The following SORL1 variants were observed in gnomAD, a reference collection of about 807,000 sequenced individuals.
The protein encoded by SORL1 is sortilin-related receptor.
Under a neutral mutation model 273.7 loss-of-function variants are expected in SORL1, and 127 were observed. The observed-to-expected ratio is 0.46, with a 90% CI of 0.40 to 0.54. The LOEUF (loss-of-function observed/expected upper bound fraction) is 0.54, where lower values mean the gene tolerates loss of function less well. SORL1 is among the 20% of genes least tolerant of loss of function. SORL1 has a pLI of 0.00. For missense variants in SORL1, 2,494 were observed against 2,846.1 expected (o/e 0.88, Z 2.81); for synonymous variants, 1,031 against 1,067.4 (o/e 0.97, Z 0.66).
intron 38 of SORL1, 143 bp from the exon 39 acceptor site, chr11:121,610,933 A>G (rs1223243246): frequency 3.3e-6 from 2 of 601,668 alleles, no homozygotes; most frequent in African/African-American, 1.9e-5. Flanking sequence ...GTAAAAAAAG[A>G]TCGATGAGGA....
At chr11:121,526,426 TC>T (rs1421972054) in intron 11 of SORL1, among the ~76,000 whole-genome samples, 2 of 152,196 alleles carry the variant, frequency 1.3e-5, no homozygotes, top group Non-Finnish European at 2.9e-5. Flanking sequence ...ATTTTAAAAA[TC>T]TTTTTTTATT....
At chr11:121,513,473 T>C (rs976578339) in intron 7 of SORL1, among the ~76,000 whole-genome samples, 1 of 152,182 alleles carries the variant, frequency 6.6e-6, no homozygotes, top group African/African-American at 2.4e-5. Flanking sequence ...CAGCAGAGGA[T>C]AGGATTTGGG....
At chr11:121,470,561 T>C (rs1228164524) in intron 2 of SORL1, among the ~76,000 whole-genome samples, 2 of 152,354 alleles carry the variant, frequency 1.3e-5, no homozygotes, top group East Asian at 3.9e-4. Context: ...TTGTGATCTT[T>C]AGTAGGTGAG....
intron 11 of SORL1, among the ~76,000 whole-genome samples, chr11:121,528,856 T>C (rs1308690528): frequency 6.6e-6 from 1 of 152,194 alleles, no homozygotes; most frequent in East Asian, 1.9e-4. Flanking sequence ...TTTGAGGTAG[T>C]GTTCTGTAGA....
At chr11:121,607,792 T>C (rs527770004) in intron 37 of SORL1, among the ~76,000 whole-genome samples, 2 of 152,204 alleles carry the variant, frequency 1.3e-5, no homozygotes, top group Non-Finnish European at 2.9e-5. Flanking sequence ...AGTACCCTTT[T>C]TGTATATGTG....
Position 121,619,841 on chromosome 11 carries a change from T to C in SORL1, c.5813T>C (p.Leu1938Pro). 6.2e-7 allele frequency: 1 copy of C among 1,613,986 alleles called. No individual in the cohort carries two copies. The highest frequency in any genetic ancestry group is 2.2e-5 in the East Asian group (1 of 44,886). The change falls in exon 43 of 48, where the codon CTG (leucine) becomes CCG (proline). Residue 1938 changes from leucine (L) to proline (P), a missense_variant. Leu to Pro is a moderately conservative substitution (Grantham distance 98). This residue lies in a region of SORL1 where 1,609 missense variants were observed against 1,816.4 expected (regional missense o/e 0.89). Transcript: ENST00000260197. Reference protein sequence around the residue: ...IPDSRLPPRHLHVVHTGKTSV... With the variant: ...IPDSRLPPRHPHVVHTGKTSV... The stretch of plus-strand genomic sequence containing the variant: ...GACAGCAGGCTTCCACCCCGTCACC[T>C]GCATGTGGTTCATACGGGCAAAACC...
intron 38 of SORL1, chr11:121,610,515 C>T (rs978122806): frequency 6.6e-6 from 1 of 152,498 alleles, no homozygotes; most frequent in African/African-American, 2.4e-5. Flanking sequence ...TTTAGTTAAC[C>T]TTCCCAGCTC....
At chr11:121,536,292 C>G (rs1431606292) in intron 12 of SORL1, among the ~76,000 whole-genome samples, 1 of 152,112 alleles carries the variant, frequency 6.6e-6, no homozygotes, top group Admixed American at 6.5e-5. Flanking sequence ...ATGTGGGAGG[C>G]AGTGGTTAAT....
chr11:121,623,001 A>G (rs1242644191), intron 45 of SORL1, among the ~76,000 whole-genome samples: 1 of 152,242 alleles, frequency 6.6e-6, no homozygotes, highest in Non-Finnish European at 1.5e-5. Flanking sequence ...TGCAATACCA[A>G]AGCAAAGTGA....
chr11:121,465,194 C>T (rs1317039144), intron 1 of SORL1, among the ~76,000 whole-genome samples: 1 of 152,166 alleles, frequency 6.6e-6, no homozygotes, highest in Non-Finnish European at 1.5e-5. Flanking sequence ...CCCTCGTAAC[C>T]ACTAATCAGC....
In SORL1 at chr11:121,627,641, C is replaced by T; in HGVS notation, c.6451C>T (p.Leu2151=). Residue 2151 remains leucine, a synonymous_variant, in exon 47 of 48, where the codon CTG becomes TTG. Coordinates refer to ENST00000260197, the MANE Select transcript of SORL1 (RefSeq NM_003105.6). This position sits in a 1 kb window ranked among gnomAD's most constrained non-coding sequence, Gnocchi z 4.9. ...CATCTTATTCCTGATACTGCTGAGC[C>T]TGGGGGTGGGGTTTGCCATCCTGTA... The part of the protein sequence containing the change: ...VPILFLILLS[L]GVGFAILYTK... The T allele has an allele frequency of 6.2e-7, 1 of 1,614,184 alleles. No individual in the cohort carries two copies. The highest frequency in any genetic ancestry group is 1.1e-5 in the South Asian group (1 of 91,076).
At chr11:121,589,469 G>C in intron 29 of SORL1, 79 bp downstream of exon 29, 3 of 1,551,998 alleles carry the variant, frequency 1.9e-6, no homozygotes, top group Non-Finnish European at 2.7e-6. Context: ...ACACTCACCG[G>C]CAACCCCACT....
chr11:121,624,350 T>G (rs889351421), intron 45 of SORL1, among the ~76,000 whole-genome samples: 1 of 152,004 alleles, frequency 6.6e-6, no homozygotes, highest in Admixed American at 6.6e-5. Flanking sequence ...ACTGGAATAG[T>G]TGGGGATCAG....
In SORL1 at chr11:121,595,903, A is replaced by G; in HGVS notation, c.4519+131A>G. 1 of 972,202 alleles carries G rather than the reference A, an allele frequency of 1.0e-6. No individual in the cohort carries two copies. Among genetic ancestry groups the G allele is most frequent in the Non-Finnish European group, 1.5e-6 (1 of 680,254 alleles). 60.2% of individuals were successfully genotyped at this position (972,202 alleles called of 1,614,324 possible). A position where few individuals can be genotyped will look rare whatever the true frequency, so the allele number is the denominator to read the frequency against. Reference sequence around the variant, plus strand: ...TGTGTACTTGCGTAACCATGCTCTTACTGCATTCTCCACAAGCGCTTTGCC... The same window carrying G: ...TGTGTACTTGCGTAACCATGCTCTTGCTGCATTCTCCACAAGCGCTTTGCC... On this transcript the variant is annotated intron_variant, in intron 32 of 47. Transcript: ENST00000260197. The surrounding 1 kb of genome is among the most constrained non-coding windows in gnomAD (Gnocchi z 5.1).
In SORL1 at chr11:121,532,675, A is replaced by G. The variant is rs548743472; in HGVS notation, c.1685+123A>G. The G allele has an allele frequency of 8.9e-5, 67 of 756,758 alleles. No homozygotes were observed. Among genetic ancestry groups the G allele is most frequent in the Admixed American group, 5.4e-5 (2 of 37,266 alleles). The allele number at this position is 756,758 out of a possible 1,614,324, so 46.9% of individuals were successfully genotyped here. On this transcript the variant is annotated intron_variant, in intron 12 of 47. Transcript: ENST00000260197. ...TGACAGCACAATTTGTGATCTCTGG[A>G]TATGAGTTAAACTTTTTTTTTTTTT...
chr11:121,593,044 A>G (rs925144882), intron 31 of SORL1, among the ~76,000 whole-genome samples: 10 of 152,174 alleles, frequency 6.6e-5, no homozygotes, highest in African/African-American at 1.9e-4. Context: ...TAACTGGCTT[A>G]TTAACCTCAT....
At position 121,591,095 on chromosome 11, in the gene SORL1, G is replaced by T; in HGVS notation, c.4308G>T (p.Trp1436Cys). Residue 1436 changes from tryptophan (W) to cysteine (C), a missense_variant, in exon 31 of 48, where the codon TGG becomes TGT. This residue lies in a region of SORL1 where 1,609 missense variants were observed against 1,816.4 expected (regional missense o/e 0.89). Coordinates refer to ENST00000260197, the MANE Select transcript of SORL1 (RefSeq NM_003105.6). ...GTGGGACCTGCGTGATGGACACCTG[G>T]GTGTGCGACGGGTACCGAGATTGTG... The part of the protein sequence containing the change: ...CSSGTCVMDT[W>C]VCDGYRDCAD... 1 of 1,614,192 alleles carries T rather than the reference G, an allele frequency of 6.2e-7. No individual in the cohort carries two copies. Among genetic ancestry groups the T allele is most frequent in the South Asian group, 1.1e-5 (1 of 91,072 alleles).
chr11:121,463,490 A>G (rs1861035839), intron 1 of SORL1, among the ~76,000 whole-genome samples: 1 of 152,238 alleles, frequency 6.6e-6, no homozygotes, highest in South Asian at 2.1e-4. Context: ...CTGATATTAT[A>G]AGGCAGTGAG....
chr11:121,541,583 G>A (rs928371993), intron 12 of SORL1, among the ~76,000 whole-genome samples: 1 of 152,136 alleles, frequency 6.6e-6, no homozygotes, highest in Non-Finnish European at 1.5e-5. Context: ...TTTCTGTCAA[G>A]GATTAGAATC....
Sources: allele counts gnomAD v4.1 joint callset (sites outside exome capture counted in the v4.1 genomes callset), GRCh38; gene constraint gnomAD v4.1.1; regional missense constraint gnomAD v4.1.1; non-coding constraint Gnocchi (gnomAD v3.1); transcripts MANE v1.5; gene names NCBI Gene and HGNC (gene_info 2026-07-23, HGNC 2026-07-21).